SAMD12: variants seen among roughly 807,000 people sequenced by gnomAD.
The protein encoded by SAMD12 is sterile alpha motif domain containing 12, also known as sterile alpha motif domain-containing protein 12.
Under a neutral mutation model 15.0 loss-of-function variants are expected in SAMD12, and 9 were observed. That is an observed-to-expected ratio of 0.60 (90% CI 0.36 to 1.05). SAMD12 has a LOEUF of 1.05. SAMD12 is among the 50% of genes least tolerant of loss of function. The pLI is 0.01. For missense variants in SAMD12, 230 were observed against 234.2 expected (o/e 0.98, Z 0.12); for synonymous variants, 86 against 90.1 (o/e 0.96, Z 0.25).
At chr8:118,209,344 T>C (rs1328433175) in intron 4 of SAMD12, among the ~76,000 whole-genome samples, 3 of 152,206 alleles carry the variant, frequency 2.0e-5, no homozygotes, top group Non-Finnish European at 4.4e-5. Flanking sequence ...TCTCAGCAGG[T>C]TACAATCTAT....
intron 2 of SAMD12, among the ~76,000 whole-genome samples, chr8:118,548,103 G>A (rs1336182894): frequency 6.6e-6 from 1 of 152,130 alleles, no homozygotes; most frequent in Non-Finnish European, 1.5e-5. Context: ...TGAGAGAATA[G>A]ACAAAGAATG....
intron 4 of SAMD12, among the ~76,000 whole-genome samples, chr8:118,222,543 T>C (rs1004274228): frequency 2.6e-5 from 4 of 152,172 alleles, no homozygotes; most frequent in African/African-American, 9.7e-5. Context: ...TTTGCTCCTG[T>C]TGCCCAGGGT....
intron 2 of SAMD12, among the ~76,000 whole-genome samples, chr8:118,534,620 T>C (rs36153705): frequency 0.37 from 55,806 of 152,028 alleles, 10,735 homozygotes; most frequent in Admixed American, 0.44. Flanking sequence ...AGTCCCATAT[T>C]TCTTGGAGGC....
intron 4 of SAMD12, among the ~76,000 whole-genome samples, chr8:118,232,483 TG>T (rs1812334504): frequency 1.3e-5 from 2 of 151,964 alleles, no homozygotes; most frequent in Non-Finnish European, 2.9e-5. Flanking sequence ...AGTTGGGGAA[TG>T]GTAAGGGAGA....
At chr8:118,607,239 CTTTTT>C (rs35374950) in intron 1 of SAMD12, among the ~76,000 whole-genome samples, 1 of 149,592 alleles carries the variant, frequency 6.7e-6, no homozygotes, top group Non-Finnish European at 1.5e-5. Context: ...CCCAAATGTC[CTTTTT>C]TTTTTCTTGA....
At chr8:118,334,867 A>G (rs1407229140) in intron 4 of SAMD12, among the ~76,000 whole-genome samples, 10 of 152,298 alleles carry the variant, frequency 6.6e-5, no homozygotes, top group Admixed American at 6.5e-4. Flanking sequence ...GTGCTGGATT[A>G]CGGGCATGAG....
At position 118,378,795 on chromosome 8, in the gene SAMD12, A is replaced by C; in HGVS notation, c.*622T>G. 1 of 985,188 alleles carries C rather than the reference A, an allele frequency of 1.0e-6. No homozygotes were observed. The highest frequency in any genetic ancestry group is 1.2e-6 in the Non-Finnish European group (1 of 829,686). 61.0% of individuals were successfully genotyped at this position (985,188 alleles called of 1,614,324 possible). On this transcript the variant is annotated 3_prime_UTR_variant, in exon 4 of 4. Coordinates refer to ENST00000314727, the MANE Select transcript of SAMD12 (RefSeq NM_207506.3). ...AATCTCATGTAGACATATCAGTTAC[A>C]TATAGTGTAACTTAAGGCTTTCTTC...
chr8:118,371,363 A>G (rs140683982), intron 4 of SAMD12, among the ~76,000 whole-genome samples: 8 of 152,266 alleles, frequency 5.3e-5, no homozygotes, highest in African/African-American at 1.9e-4. Flanking sequence ...AATGATAACT[A>G]GAATGTTATT....
chr8:118,537,696 T>A (rs954968641), intron 2 of SAMD12, among the ~76,000 whole-genome samples: 1 of 152,230 alleles, frequency 6.6e-6, no homozygotes, highest in Non-Finnish European at 1.5e-5. Context: ...TGTGTTATCC[T>A]GTATATGGCT....
At chr8:118,609,290 T>C (rs1828051246) in intron 1 of SAMD12, among the ~76,000 whole-genome samples, 1 of 152,170 alleles carries the variant, frequency 6.6e-6, no homozygotes. Context: ...ACGAAGTGGG[T>C]TCACTGAGCA....
At chr8:118,329,385 G>C (rs935529276) in intron 4 of SAMD12, among the ~76,000 whole-genome samples, 1 of 152,030 alleles carries the variant, frequency 6.6e-6, no homozygotes, top group African/African-American at 2.4e-5. Flanking sequence ...TATTATAAAT[G>C]AAATTAAGTT....
chr8:118,321,368 CT>C (rs1346865499), intron 4 of SAMD12, among the ~76,000 whole-genome samples: 1 of 147,342 alleles, frequency 6.8e-6, no homozygotes, highest in Admixed American at 6.9e-5. Flanking sequence ...AATCTCAGCA[CT>C]TTGGGAAGCT....
the SAMD12 span, among the ~76,000 whole-genome samples, chr8:118,182,987 C>T: frequency 1.3e-5 from 2 of 152,142 alleles, no homozygotes; most frequent in East Asian, 1.9e-4. Flanking sequence ...CACCCAATAT[C>T]GAATTAGCTA....
At chr8:118,584,950 C>T (rs1256074109) in intron 1 of SAMD12, among the ~76,000 whole-genome samples, 1 of 150,038 alleles carries the variant, frequency 6.7e-6, no homozygotes, top group African/African-American at 2.5e-5. Flanking sequence ...CACACACACA[C>T]ACACAAACAC....
intron 2 of SAMD12, among the ~76,000 whole-genome samples, chr8:118,550,622 A>G (rs1197074327): frequency 6.6e-6 from 1 of 152,154 alleles, no homozygotes; most frequent in African/African-American, 2.4e-5. Context: ...TACATCAACT[A>G]ACGAGCAAAA....
chr8:118,447,595 G>A (rs1469092956), intron 2 of SAMD12, among the ~76,000 whole-genome samples: 2 of 151,822 alleles, frequency 1.3e-5, no homozygotes, highest in African/African-American at 4.8e-5. Flanking sequence ...GAGCCACCGT[G>A]TCCAGCCTTC....
At chr8:118,265,819 G>A (rs1427995810) in intron 4 of SAMD12, among the ~76,000 whole-genome samples, 2 of 151,900 alleles carry the variant, frequency 1.3e-5, no homozygotes, top group South Asian at 4.2e-4. Context: ...AGGTTTACAG[G>A]TTTAATGAGA....
At chr8:118,536,787 C>T (rs933607357) in intron 2 of SAMD12, among the ~76,000 whole-genome samples, 3 of 152,198 alleles carry the variant, frequency 2.0e-5, no homozygotes, top group African/African-American at 7.2e-5. Flanking sequence ...TCTTTCTACT[C>T]AAGATATGAG....
intron 3 of SAMD12, among the ~76,000 whole-genome samples, chr8:118,393,859 C>T (rs1056027773): frequency 4.6e-5 from 7 of 152,168 alleles, no homozygotes; most frequent in African/African-American, 1.2e-4. Context: ...GTCTTGGCTT[C>T]CCAAAGTGCT....
Sources: allele counts gnomAD v4.1 joint callset (sites outside exome capture counted in the v4.1 genomes callset), GRCh38; gene constraint gnomAD v4.1.1; transcripts MANE v1.5; gene names NCBI Gene and HGNC (gene_info 2026-07-23, HGNC 2026-07-21).